TNS3: variants seen among roughly 807,000 people sequenced by gnomAD.
The protein encoded by TNS3 is tensin 3.
In TNS3, 45 loss-of-function variants were observed where a neutral mutation model predicts 140.9. That is an observed-to-expected ratio of 0.32 (90% CI 0.25 to 0.41). The LOEUF is 0.41. Among genes scored for constraint, TNS3 ranks in the 10% least tolerant of loss-of-function variants. The pLI is 1.00. For synonymous variants in TNS3, 815 were observed against 788.4 expected (o/e 1.03, Z -0.56); for missense variants, 1,716 against 1,906.7 (o/e 0.90, Z 1.86).
At chr7:47,558,213 G>GT (rs1800247783) in intron 1 of TNS3, among the ~76,000 whole-genome samples, 1 of 152,180 alleles carries the variant, frequency 6.6e-6, no homozygotes, top group Admixed American at 6.5e-5. Flanking sequence ...AGGAAACAGG[G>GT]TATTTGCCGT....
intron 2 of TNS3, among the ~76,000 whole-genome samples, chr7:47,514,384 A>G (rs946555288): frequency 3.9e-5 from 6 of 152,190 alleles, no homozygotes; most frequent in Non-Finnish European, 7.3e-5. Context: ...CTTTATCTGT[A>G]ATCACTTAGT....
At chr7:47,336,246 TGGGGCCGATGGA>T (rs1270302847) in intron 20 of TNS3, among the ~76,000 whole-genome samples, 1 of 150,974 alleles carries the variant, frequency 6.6e-6, no homozygotes, top group African/African-American at 2.4e-5. Context: ...CAGGGAAGCT[TGGGGCCGATGGA>T]GGGGTTGATT....
chr7:47,307,255 T>C (rs1183005886), intron 20 of TNS3, among the ~76,000 whole-genome samples: 2 of 152,220 alleles, frequency 1.3e-5, no homozygotes, highest in East Asian at 3.8e-4. Flanking sequence ...ATCATTCATA[T>C]AAACTCTTTT....
At chr7:47,442,153 A>C in intron 4 of TNS3, 98 bp from the exon 5 acceptor site, 1 of 738,698 alleles carries the variant, frequency 1.4e-6, no homozygotes, top group Non-Finnish European at 1.9e-6. Context: ...GCCGTTCCAC[A>C]GTTTAATCAT....
chr7:47,436,379 T>C (rs1795183113), intron 7 of TNS3, among the ~76,000 whole-genome samples: 1 of 152,198 alleles, frequency 6.6e-6, no homozygotes, highest in Admixed American at 6.5e-5. Context: ...CCACAACTTA[T>C]GTTGACTCAG....
rs1342826874 is a variant in TNS3, at chr7:47,411,769, G to A, written c.681C>T (p.Cys227=). The change falls in exon 13 of 31, where the codon TGC becomes TGT. Residue 227 remains cysteine (C), a synonymous_variant. Transcript: ENST00000311160. ...NVGPENPSRI[C]IVIEPAQLLK... ...GAAGCTGGGCCGGCTCGATGACGAT[G>A]CAGATCCTGCTGGGGTTTTCTGGGC... 3 of 1,613,502 alleles carry A rather than the reference G, an allele frequency of 1.9e-6. No homozygotes were observed. The highest frequency in any genetic ancestry group is 1.3e-5 in the African/African-American group (1 of 75,034).
chr7:47,393,308 T>G (rs1792637622), intron 16 of TNS3, among the ~76,000 whole-genome samples: 1 of 152,130 alleles, frequency 6.6e-6, no homozygotes, highest in Non-Finnish European at 1.5e-5. Context: ...ATAAAACTCA[T>G]TCCATTGAAT....
At chr7:47,446,614 G>A (rs1795743606) in intron 4 of TNS3, among the ~76,000 whole-genome samples, 1 of 151,072 alleles carries the variant, frequency 6.6e-6, no homozygotes, top group South Asian at 2.1e-4. Flanking sequence ...GAAAAGGGAG[G>A]CCCAGGTAGA....
At chr7:47,566,838 G>A (rs1267931305) in intron 1 of TNS3, among the ~76,000 whole-genome samples, 1 of 152,072 alleles carries the variant, frequency 6.6e-6, no homozygotes, top group Non-Finnish European at 1.5e-5. Flanking sequence ...GCAGGAGTTC[G>A]AGACCAGCCT....
chr7:47,355,457 C>G (rs74482589), intron 17 of TNS3, among the ~76,000 whole-genome samples: 1 of 152,170 alleles, frequency 6.6e-6, no homozygotes, highest in Non-Finnish European at 1.5e-5. Flanking sequence ...GATGCATCGC[C>G]GTCAGAGCCC....
intron 20 of TNS3, among the ~76,000 whole-genome samples, chr7:47,306,516 T>C (rs927432164): frequency 6.6e-6 from 1 of 152,234 alleles, no homozygotes; most frequent in Non-Finnish European, 1.5e-5. Flanking sequence ...GTCATTTCAA[T>C]ATGAATTAAA....
intron 3 of TNS3, among the ~76,000 whole-genome samples, chr7:47,500,703 T>C (rs1798180402): frequency 6.6e-6 from 1 of 152,108 alleles, no homozygotes; most frequent in South Asian, 2.1e-4. Flanking sequence ...AGGGTACAAA[T>C]AGGGGCAGGA....
chr7:47,328,461 G>A (rs1353346964), intron 20 of TNS3, among the ~76,000 whole-genome samples: 2 of 152,120 alleles, frequency 1.3e-5, no homozygotes, highest in Non-Finnish European at 2.9e-5. Flanking sequence ...AGGCACAAGC[G>A]GCAGGACCTG....
intron 18 of TNS3, among the ~76,000 whole-genome samples, chr7:47,345,461 G>A (rs1374533150): frequency 2.6e-5 from 4 of 152,142 alleles, no homozygotes; most frequent in South Asian, 2.1e-4. Flanking sequence ...AAAAAAGGCC[G>A]GGTGGAAATA....
At chr7:47,358,298 C>T (rs558183386) in intron 17 of TNS3, among the ~76,000 whole-genome samples, 5 of 152,128 alleles carry the variant, frequency 3.3e-5, no homozygotes, top group African/African-American at 1.2e-4. Flanking sequence ...CCACCATGCC[C>T]GGCTAATTTT....
chr7:47,303,699 T>C (rs938092562), intron 21 of TNS3, 115 bp from the exon 22 acceptor site: 20 of 1,272,010 alleles, frequency 1.6e-5, no homozygotes, highest in Non-Finnish European at 2.0e-5. Context: ...GCTGAGGCCC[T>C]CCAGGCAGCA....
At chr7:47,406,674 AG>A (rs1038657425) in intron 13 of TNS3, among the ~76,000 whole-genome samples, 28 of 152,236 alleles carry the variant, frequency 1.8e-4, no homozygotes, top group African/African-American at 4.8e-4. Flanking sequence ...TGCAGTCTTC[AG>A]GGTGTAAATC....
At chr7:47,558,637 G>T (rs1026079681) in intron 1 of TNS3, among the ~76,000 whole-genome samples, 9 of 152,108 alleles carry the variant, frequency 5.9e-5, no homozygotes, top group African/African-American at 1.7e-4. Context: ...GAAAAACTGG[G>T]ACAAAATAAC....
intron 3 of TNS3, among the ~76,000 whole-genome samples, chr7:47,490,860 C>G (rs181419206): frequency 1.0e-3 from 156 of 152,334 alleles, no homozygotes; most frequent in Non-Finnish European, 1.6e-3. Context: ...CAACAGAGAA[C>G]AGAAATAGTG....
Sources: allele counts gnomAD v4.1 joint callset (sites outside exome capture counted in the v4.1 genomes callset), GRCh38; gene constraint gnomAD v4.1.1; transcripts MANE v1.5; gene names NCBI Gene and HGNC (gene_info 2026-07-23, HGNC 2026-07-21).